PUDP: variants seen among roughly 807,000 people sequenced by gnomAD.
The protein encoded by PUDP is pseudouridine 5'-phosphatase.
PUDP carries 8 observed loss-of-function variants against 9.4 expected under a neutral mutation model. The ratio of observed to expected loss-of-function variants is 0.85; its 90% CI spans 0.50 to 1.53. The LOEUF (loss-of-function observed/expected upper bound fraction) is 1.53, where lower values mean the gene tolerates loss of function less well. PUDP is among the 40% of genes most tolerant of loss of function. The pLI is 0.00. For missense variants in PUDP, 188 were observed against 189.7 expected (o/e 0.99, Z 0.05); for synonymous variants, 99 against 80.7 (o/e 1.23, Z -1.22).
At chrX:6,853,454 T>TGTG (rs1555913271) in intron 3 of PUDP, among the ~76,000 whole-genome samples, 5,846 of 30,249 alleles carry the variant, frequency 0.19, 305 homozygotes, top group Admixed American at 0.43. Context: ...TTTGTGTGTG[T>TGTG]TTTTTTTTTT....
At chrX:6,783,413 G>A (rs1044177526) in intron 3 of PUDP, among the ~76,000 whole-genome samples, 1 of 111,067 alleles carries the variant, frequency 9.0e-6, no homozygotes, top group Non-Finnish European at 1.9e-5. Flanking sequence ...TAATAAACTT[G>A]CTTTTGCTTT....
chrX:6,887,016 CATATATT>C (rs1199383395), intron 3 of PUDP, among the ~76,000 whole-genome samples: 1 of 104,871 alleles, frequency 9.5e-6, no homozygotes, highest in Non-Finnish European at 1.9e-5. Flanking sequence ...ATATAGATTA[CATATATT>C]ATATATCTAT....
chrX:6,854,982 A>C (rs915477100), intron 3 of PUDP, among the ~76,000 whole-genome samples: 4 of 111,565 alleles, frequency 3.6e-5, no homozygotes, highest in African/African-American at 6.5e-5. Context: ...CCTTGGTATA[A>C]TTTCATGAGA....
intron 3 of PUDP, among the ~76,000 whole-genome samples, chrX:6,923,507 T>C: frequency 8.9e-6 from 1 of 112,008 alleles, no homozygotes; most frequent in African/African-American, 3.2e-5. Flanking sequence ...TTTCTTCCAG[T>C]TGTCCAGGCA....
At chrX:7,062,679 T>C (rs1187521914) in intron 3 of PUDP, among the ~76,000 whole-genome samples, 1 of 108,974 alleles carries the variant, frequency 9.2e-6, no homozygotes, top group East Asian at 2.9e-4. Context: ...CTGAGAGGTC[T>C]GTGCTTTACG....
chrX:6,858,000 G>A (rs780311811), intron 3 of PUDP, among the ~76,000 whole-genome samples: 7 of 111,911 alleles, frequency 6.3e-5, no homozygotes, highest in East Asian at 2.8e-4. Flanking sequence ...AGTTAATAGC[G>A]TCAGGATGGG....
At chrX:6,947,007 T>G (rs6530009) in intron 3 of PUDP, among the ~76,000 whole-genome samples, 1 of 108,750 alleles carries the variant, frequency 9.2e-6, no homozygotes, top group African/African-American at 3.3e-5. Flanking sequence ...GTTTGTTTTT[T>G]TTTTTTTAAT....
chrX:6,736,818 A>C (rs889472664), intron 3 of PUDP, among the ~76,000 whole-genome samples: 7 of 111,396 alleles, frequency 6.3e-5, no homozygotes, highest in Admixed American at 2.9e-4. Context: ...GATAGACACA[A>C]AAAAAAGGAG....
intron 1 of PUDP, among the ~76,000 whole-genome samples, chrX:7,041,468 GCAT>G (rs1466488947): frequency 1.8e-5 from 2 of 111,810 alleles, no homozygotes; most frequent in African/African-American, 6.5e-5. Context: ...TCCCTCGAAG[GCAT>G]CATTTTTTGA....
chrX:7,031,864 A>C (rs1602722009), intron 1 of PUDP, among the ~76,000 whole-genome samples: 1 of 112,236 alleles, frequency 8.9e-6, no homozygotes, highest in East Asian at 2.8e-4. Context: ...AAACAAAGGT[A>C]GACAAAGACT....
chrX:6,770,797 G>C (rs1013035758), intron 3 of PUDP, among the ~76,000 whole-genome samples: 1 of 111,439 alleles, frequency 9.0e-6, no homozygotes, highest in African/African-American at 3.3e-5. Flanking sequence ...ATGCAATGCT[G>C]GGCTGCCTGG....
chrX:6,725,653 C>T (rs1231737734), upstream of PUDP, among the ~76,000 whole-genome samples: 2 of 111,781 alleles, frequency 1.8e-5, no homozygotes, highest in African/African-American at 6.5e-5. Flanking sequence ...CAAACAAGCA[C>T]ATGAAAAAAT....
intron 1 of PUDP, among the ~76,000 whole-genome samples, chrX:6,714,057 A>G (rs943207571): frequency 9.1e-6 from 1 of 110,313 alleles, no homozygotes; most frequent in Non-Finnish European, 1.9e-5. Flanking sequence ...ATACCCGGCT[A>G]ATTTTTGTAT....
chrX:6,988,089 TC>T (rs1929126845), intron 1 of PUDP, among the ~76,000 whole-genome samples: 1 of 112,156 alleles, frequency 8.9e-6, no homozygotes, highest in African/African-American at 3.2e-5. Flanking sequence ...GGGAAAAATG[TC>T]CTAGGGCAAC....
At chrX:7,128,508 C>T (rs1932539051) in intron 1 of PUDP, among the ~76,000 whole-genome samples, 1 of 111,600 alleles carries the variant, frequency 9.0e-6, no homozygotes, top group Admixed American at 9.5e-5. Flanking sequence ...GTACACCATG[C>T]CTGTGTGTGT....
At chrX:6,785,970 T>C (rs1408887495) in intron 3 of PUDP, among the ~76,000 whole-genome samples, 1 of 111,316 alleles carries the variant, frequency 9.0e-6, no homozygotes, top group Non-Finnish European at 1.9e-5. Context: ...ACCATGCTCA[T>C]TCTTGTCTGA....
intron 1 of PUDP, among the ~76,000 whole-genome samples, chrX:6,707,639 G>A (rs1924485804): frequency 9.0e-6 from 1 of 111,084 alleles, no homozygotes; most frequent in African/African-American, 3.3e-5. Context: ...TGGCATCACT[G>A]ATCTGACAGG....
rs147968112 is a variant in PUDP at position 7,041,216 on chromosome X, A to G, written c.204+36004T>C. Among the ~76,000 whole-genome samples the G allele has an allele frequency of 2.7e-3, 297 of 111,430 alleles. 1 individual carries two copies. The highest frequency in any genetic ancestry group is 0.022 in the Admixed American group (229 of 10,513). ...AGCTCCGTTCAGGGCAGGAAGCGAGAGTTTGGATCTGAAGTACTTTTCAAA... is the reference window on the plus strand; with the variant it reads ...AGCTCCGTTCAGGGCAGGAAGCGAGGGTTTGGATCTGAAGTACTTTTCAAA... On this transcript the variant is annotated intron_variant and NMD_transcript_variant, in intron 1 of 3. Transcript: ENST00000655425.
At chrX:6,724,501 C>CAAAAA (rs1170392595), upstream of PUDP, among the ~76,000 whole-genome samples, 1 of 45,433 alleles carries the variant, frequency 2.2e-5, no homozygotes, top group Non-Finnish European at 3.9e-5. Context: ...ATTCTCTCTC[C>CAAAAA]AAAAAAAAAA....
Sources: gnomAD v4.1 joint callset for allele counts (sites outside exome capture counted in the v4.1 genomes callset) on GRCh38, gnomAD v4.1.1 for gene constraint, MANE v1.5 for transcripts, NCBI Gene and HGNC (gene_info 2026-07-23, HGNC 2026-07-21) for gene names.